Variants in EPHA3 observed in about 807,000 individuals in gnomAD.
EPHA3 encodes the protein EPH receptor A3, also known as ephrin type-A receptor 3.
In EPHA3, 42 loss-of-function variants were observed where a neutral mutation model predicts 107.1. The observed-to-expected ratio is 0.39, with a 90% CI of 0.31 to 0.51. The LOEUF is 0.51. EPHA3 is among the 20% of genes least tolerant of loss of function. The probability of loss-of-function intolerance (pLI) is 0.78; values close to 1 mark genes in which losing one functional copy is unlikely to be tolerated. For missense variants in EPHA3, 1,183 were observed against 1,211.2 expected, an observed-to-expected ratio of 0.98 and a Z score of 0.35; for synonymous variants, 461 against 424.8, an observed-to-expected ratio of 1.09 and a Z score of -1.05.
chr3:89,474,870 A>C (rs1301723533), intron 16 of EPHA3, among the ~76,000 whole-genome samples: 1 of 152,192 alleles, frequency 6.6e-6, no homozygotes, highest in African/African-American at 2.4e-5. Flanking sequence ...TGTTATTATT[A>C]TTTGAACAAC....
intron 15 of EPHA3, among the ~76,000 whole-genome samples, chr3:89,471,655 C>A (rs1185372248): frequency 2.0e-5 from 3 of 152,066 alleles, no homozygotes; most frequent in African/African-American, 4.8e-5. Context: ...TGAGCCACTG[C>A]GCCCGGCCCT....
intron 5 of EPHA3, among the ~76,000 whole-genome samples, chr3:89,362,725 A>G (rs1366071807): frequency 1.3e-5 from 2 of 151,050 alleles, no homozygotes; most frequent in Non-Finnish European, 3.0e-5. Context: ...GGATGTGTAC[A>G]ACATGGGATG....
At chr3:89,138,653 T>C (rs1387595978) in intron 2 of EPHA3, among the ~76,000 whole-genome samples, 1 of 151,762 alleles carries the variant, frequency 6.6e-6, no homozygotes. Flanking sequence ...GAAGAACAAA[T>C]AGGAATCAGA....
intron 5 of EPHA3, among the ~76,000 whole-genome samples, chr3:89,358,550 G>A (rs1300761481): frequency 6.6e-6 from 1 of 151,002 alleles, no homozygotes; most frequent in Admixed American, 6.6e-5. Context: ...CATCTTAAAG[G>A]TTTCATGAAT....
chr3:89,473,187 A>G (rs1056634170), intron 16 of EPHA3, among the ~76,000 whole-genome samples: 19 of 140,078 alleles, frequency 1.4e-4, no homozygotes, highest in African/African-American at 4.8e-4. Flanking sequence ...TTTAAGATAG[A>G]ATTTTTGGGT....
intron 2 of EPHA3, among the ~76,000 whole-genome samples, chr3:89,199,366 A>G (rs1705915195): frequency 1.3e-5 from 2 of 152,174 alleles, no homozygotes; most frequent in Non-Finnish European, 2.9e-5. Flanking sequence ...CCAAACCTTT[A>G]CAATGCAAAT....
intron 3 of EPHA3, among the ~76,000 whole-genome samples, chr3:89,326,262 C>T (rs953838660): frequency 2.6e-5 from 4 of 152,080 alleles, no homozygotes; most frequent in African/African-American, 9.7e-5. Context: ...CTATTGCATG[C>T]TTCCATATAC....
chr3:89,399,366 G>A lies in EPHA3; in HGVS notation c.1480G>A (p.Val494Ile). 2 of 1,613,834 alleles carry A rather than the reference G, an allele frequency of 1.2e-6. No individual in the cohort carries two copies. The highest frequency in any genetic ancestry group is 1.7e-6 in the Non-Finnish European group (2 of 1,179,840). Residue 494 changes from valine to isoleucine, a missense_variant, in exon 7 of 17, where the codon GTT (valine) becomes ATT (isoleucine). By Grantham distance (29) the Val-to-Ile change is conservative (BLOSUM62 3). Coordinates refer to ENST00000336596, the MANE Select transcript of EPHA3 (RefSeq NM_005233.6). ...YTILRARGTN[V>I]TISSLKPDTI... The stretch of plus-strand genomic sequence containing the variant: ...CATTCTGAGGGCAAGAGGCACAAAT[G>A]TTACCATCAGTAGCCTCAAGCCTGA...
chr3:89,417,168 G>C (rs1709265914), intron 10 of EPHA3, among the ~76,000 whole-genome samples: 2 of 151,402 alleles, frequency 1.3e-5, no homozygotes, highest in Admixed American at 1.3e-4. Flanking sequence ...TCCCACAACA[G>C]CTTTATGAGG....
At chr3:89,198,509 G>T (rs77591813) in intron 2 of EPHA3, among the ~76,000 whole-genome samples, 1 of 152,074 alleles carries the variant, frequency 6.6e-6, no homozygotes, top group Non-Finnish European at 1.5e-5. Flanking sequence ...ACGGATAAAA[G>T]ATTAAACATG....
chr3:89,140,545 A>G (rs190255046), intron 2 of EPHA3, among the ~76,000 whole-genome samples: 3 of 151,908 alleles, frequency 2.0e-5, no homozygotes, highest in Non-Finnish European at 4.4e-5. Context: ...ACTAAAATAT[A>G]AAACAGAACA....
intron 2 of EPHA3, among the ~76,000 whole-genome samples, chr3:89,196,084 C>T (rs1705830858): frequency 6.6e-6 from 1 of 152,128 alleles, no homozygotes; most frequent in Non-Finnish European, 1.5e-5. Context: ...ATACAAGATA[C>T]TGTCTACCTT....
At chr3:89,406,653 A>T (rs1709060178) in intron 7 of EPHA3, among the ~76,000 whole-genome samples, 1 of 152,322 alleles carries the variant, frequency 6.6e-6, no homozygotes, top group East Asian at 1.9e-4. Flanking sequence ...GTTAAAAGAA[A>T]TGTGAAACCA....
chr3:89,195,643 AG>A (rs568247106), intron 2 of EPHA3, among the ~76,000 whole-genome samples: 37 of 152,162 alleles, frequency 2.4e-4, no homozygotes, highest in Non-Finnish European at 4.6e-4. Flanking sequence ...TTCAAAAATT[AG>A]TTCATTTATT....
At chr3:89,422,232 C>G (rs1419693987) in intron 11 of EPHA3, among the ~76,000 whole-genome samples, 16 of 132,276 alleles carry the variant, frequency 1.2e-4, no homozygotes, top group Non-Finnish European at 2.0e-4. Flanking sequence ...CACACACACA[C>G]AGAGCGATTG....
chr3:89,439,754 C>CACAT (rs1368005825), intron 13 of EPHA3, among the ~76,000 whole-genome samples: 20 of 145,842 alleles, frequency 1.4e-4, no homozygotes, highest in East Asian at 5.9e-4. Context: ...CACACACACA[C>CACAT]ATATATATAT....
chr3:89,457,883 A>G (rs1710131033), intron 15 of EPHA3, among the ~76,000 whole-genome samples: 2 of 152,198 alleles, frequency 1.3e-5, no homozygotes, highest in Non-Finnish European at 2.9e-5. Flanking sequence ...AATATGTTTT[A>G]TTAAAGTGAG....
chr3:89,255,449 T>C (rs1192468899), intron 3 of EPHA3, among the ~76,000 whole-genome samples: 1 of 152,146 alleles, frequency 6.6e-6, no homozygotes, highest in Non-Finnish European at 1.5e-5. Flanking sequence ...TACAATTTTA[T>C]TGAAACACCG....
chr3:89,182,192 A>G (rs961586721), intron 2 of EPHA3, among the ~76,000 whole-genome samples: 2 of 151,824 alleles, frequency 1.3e-5, no homozygotes, highest in African/African-American at 4.8e-5. Flanking sequence ...TTTATTTCCT[A>G]TAACAAGGAC....
Sources: allele counts gnomAD v4.1 joint callset (sites outside exome capture counted in the v4.1 genomes callset), GRCh38; gene constraint gnomAD v4.1.1; transcripts MANE v1.5; gene names NCBI Gene and HGNC (gene_info 2026-07-23, HGNC 2026-07-21).